The following LRRTM3 variants were observed in gnomAD, a reference collection of about 807,000 sequenced individuals.
LRRTM3 encodes the protein leucine-rich repeat transmembrane neuronal protein 3.
In LRRTM3, 24 loss-of-function variants were observed where a neutral mutation model predicts 44.7. That is an observed-to-expected ratio of 0.54 (90% confidence interval 0.39 to 0.76). The LOEUF is 0.76. Ranked by LOEUF, LRRTM3 falls within the 30% of genes least tolerant of loss-of-function variation. The pLI is 0.00. For synonymous variants in LRRTM3, 277 were observed against 278.7 expected (o/e 0.99, Z 0.06); for missense variants, 587 against 702.2 (o/e 0.84, Z 1.85).
At chr10:66,934,418 A>G (rs561014788) in intron 2 of LRRTM3, among the ~76,000 whole-genome samples, 2 of 152,254 alleles carry the variant, frequency 1.3e-5, no homozygotes, top group South Asian at 4.1e-4. Flanking sequence ...CAATTCAGTC[A>G]TTTGGCTCAA....
At chr10:67,008,975 G>A (rs550686905) in intron 2 of LRRTM3, among the ~76,000 whole-genome samples, 1 of 152,124 alleles carries the variant, frequency 6.6e-6, no homozygotes, top group African/African-American at 2.4e-5. Flanking sequence ...TAAAACCTTG[G>A]TATATACTTT....
At chr10:67,058,584 A>G (rs1564861296) in intron 2 of LRRTM3, among the ~76,000 whole-genome samples, 1 of 152,166 alleles carries the variant, frequency 6.6e-6, no homozygotes. Context: ...TATCATTCAC[A>G]TCCTCCATTG....
chr10:67,042,639 C>A (rs1033830943), intron 2 of LRRTM3, among the ~76,000 whole-genome samples: 1 of 150,586 alleles, frequency 6.6e-6, no homozygotes. Flanking sequence ...AGAGAAGGAA[C>A]GGAGGAAAAG....
At chr10:66,967,690 G>C (rs1039718273) in intron 2 of LRRTM3, among the ~76,000 whole-genome samples, 1 of 151,958 alleles carries the variant, frequency 6.6e-6, no homozygotes, top group Non-Finnish European at 1.5e-5. Flanking sequence ...AAAAATGAAC[G>C]TTCTAAAAAT....
chr10:67,081,925 C>A (rs1282733117), intron 2 of LRRTM3, among the ~76,000 whole-genome samples: 1 of 152,104 alleles, frequency 6.6e-6, no homozygotes, highest in African/African-American at 2.4e-5. Context: ...GCATGGATCC[C>A]TATTAAAGAC....
Position 66,928,428 on chromosome 10 carries a change from C to A in LRRTM3, c.1512C>A (p.Asn504Lys), listed in dbSNP as rs1201446863. 1 of 1,610,394 alleles carries A rather than the reference C, an allele frequency of 6.2e-7. No individual in the cohort carries two copies. The highest frequency in any genetic ancestry group is 8.5e-7 in the Non-Finnish European group (1 of 1,178,720). The change falls in exon 2 of 3, where the codon AAC (asparagine) becomes AAA (lysine). Residue 504 changes from asparagine to lysine, a missense_variant. Around this residue, in one of 3 missense-constraint regions of LRRTM3, gnomAD observed 315 missense variants for 335.6 expected, o/e 0.94. Transcript: ENST00000361320. ...ATGGGACGGGACCCTGCACCTATAA[C>A]AAATCGGGCTCCAGGGAGTGTGAGG... ...LLNGTGPCTYNKSGSRECEIP... is the reference protein window; with the variant it reads ...LLNGTGPCTYKKSGSRECEIP...
intron 2 of LRRTM3, among the ~76,000 whole-genome samples, chr10:66,970,955 T>C (rs1298966021): frequency 1.3e-5 from 2 of 152,196 alleles, no homozygotes; most frequent in East Asian, 1.9e-4. Flanking sequence ...TATCTATTAA[T>C]TGTGCCAGGA....
At chr10:67,046,867 G>C (rs541042767) in intron 2 of LRRTM3, among the ~76,000 whole-genome samples, 44 of 152,260 alleles carry the variant, frequency 2.9e-4, no homozygotes, top group African/African-American at 8.7e-4. Flanking sequence ...GGAATTAAGG[G>C]TCCAAAGAAA....
intron 2 of LRRTM3, among the ~76,000 whole-genome samples, chr10:67,063,279 T>C (rs1855869256): frequency 6.6e-6 from 1 of 152,334 alleles, no homozygotes; most frequent in Admixed American, 6.5e-5. Flanking sequence ...TTAAAAGATG[T>C]ATTAGTTCAC....
chr10:67,083,641 T>C (rs1857158462), intron 2 of LRRTM3, among the ~76,000 whole-genome samples: 1 of 152,204 alleles, frequency 6.6e-6, no homozygotes, highest in African/African-American at 2.4e-5. Context: ...CAATAAGAAC[T>C]TGTGCATGTA....
intron 2 of LRRTM3, among the ~76,000 whole-genome samples, chr10:67,033,512 A>T (rs770180053): frequency 4.8e-4 from 73 of 152,360 alleles, no homozygotes; most frequent in Non-Finnish European, 6.5e-4. Flanking sequence ...CACGATGTAA[A>T]TAAAAGTTGA....
At chr10:66,952,269 C>T (rs1848575287) in intron 2 of LRRTM3, among the ~76,000 whole-genome samples, 1 of 152,088 alleles carries the variant, frequency 6.6e-6, no homozygotes, top group African/African-American at 2.4e-5. Flanking sequence ...ACAGAGCTTC[C>T]CAGATGCATA....
intron 2 of LRRTM3, among the ~76,000 whole-genome samples, chr10:67,024,924 A>AAAACTCC (rs1457780091): frequency 1.3e-5 from 2 of 152,072 alleles, no homozygotes; most frequent in Non-Finnish European, 2.9e-5. Context: ...TGAGGTCCGG[A>AAAACTCC]GTTTGAGACC....
chr10:67,013,992 T>C (rs1852497011), intron 2 of LRRTM3, among the ~76,000 whole-genome samples: 2 of 152,026 alleles, frequency 1.3e-5, no homozygotes, highest in African/African-American at 2.4e-5. Flanking sequence ...TTATAAACAC[T>C]CCAGAGAATT....
At chr10:66,930,926 T>C (rs1172590127) in intron 2 of LRRTM3, among the ~76,000 whole-genome samples, 1 of 152,166 alleles carries the variant, frequency 6.6e-6, no homozygotes, top group Admixed American at 6.5e-5. Context: ...TCTTCTGTAA[T>C]TCTCAGTATC....
chr10:66,927,590 T>C lies in LRRTM3; in HGVS notation c.674T>C (p.Phe225Ser). 6.2e-7 allele frequency: 1 copy of C among 1,614,174 alleles called. No homozygotes were observed. The highest frequency in any genetic ancestry group is 8.5e-7 in the Non-Finnish European group (1 of 1,180,030). Residue 225 changes from phenylalanine to serine, a missense_variant, in exon 2 of 3, where the codon TTT becomes TCT. Phe to Ser is a radical substitution (Grantham distance 155). This residue lies in a region of LRRTM3 where 222 missense variants were observed against 323.3 expected (regional missense o/e 0.69). Coordinates refer to ENST00000361320, the MANE Select transcript of LRRTM3 (RefSeq NM_178011.5). This position sits in a 1 kb window ranked among gnomAD's most constrained non-coding sequence, Gnocchi z 4.7. ...TTTTCCAAGCTCAACCTGGCCCTTTTTCCAAGGTTGGTCAGCCTTCAGAAC... is the reference window on the plus strand; with the variant it reads ...TTTTCCAAGCTCAACCTGGCCCTTTCTCCAAGGTTGGTCAGCCTTCAGAAC... ...NQFSKLNLAL[F>S]PRLVSLQNLY...
At chr10:66,992,915 G>A (rs763002580) in intron 2 of LRRTM3, among the ~76,000 whole-genome samples, 5 of 151,766 alleles carry the variant, frequency 3.3e-5, no homozygotes, top group African/African-American at 7.3e-5. Flanking sequence ...TTTGTATCCC[G>A]GTACTATTAT....
At chr10:67,074,203 T>C (rs1461779582) in intron 2 of LRRTM3, among the ~76,000 whole-genome samples, 2 of 151,820 alleles carry the variant, frequency 1.3e-5, no homozygotes, top group Non-Finnish European at 2.9e-5. Flanking sequence ...CAGCTAATTT[T>C]TGTACTTTTA....
At chr10:67,085,671 T>C (rs1342065845) in intron 2 of LRRTM3, among the ~76,000 whole-genome samples, 1 of 152,024 alleles carries the variant, frequency 6.6e-6, no homozygotes, top group African/African-American at 2.4e-5. Flanking sequence ...ACATATTAGC[T>C]CATCCCTTAT....
Sources: gnomAD v4.1 joint callset for allele counts (sites outside exome capture counted in the v4.1 genomes callset) on GRCh38, gnomAD v4.1.1 for gene constraint, gnomAD v4.1.1 regional missense constraint, Gnocchi (gnomAD v3.1) non-coding constraint, MANE v1.5 for transcripts, NCBI Gene and HGNC (gene_info 2026-07-23, HGNC 2026-07-21) for gene names.